CSTPP1: variants seen among roughly 807,000 people sequenced by gnomAD.
CSTPP1 encodes the protein UPF0705 protein C11orf49.
chr11:47,150,489 C>T, the CSTPP1 span, among the ~76,000 whole-genome samples: 1 of 152,154 alleles, frequency 6.6e-6, no homozygotes, highest in East Asian at 1.9e-4. Context: ...GTTCCCAGGA[C>T]AAAGACAACA....
the CSTPP1 span, among the ~76,000 whole-genome samples, chr11:47,124,114 CTT>C: frequency 6.3e-5 from 4 of 63,216 alleles, no homozygotes; most frequent in Admixed American, 9.1e-4. Context: ...AATGGTCTTA[CTT>C]TTTTTTTTTT....
the CSTPP1 span, among the ~76,000 whole-genome samples, chr11:47,006,267 C>T: frequency 6.6e-6 from 1 of 152,052 alleles, no homozygotes; most frequent in Non-Finnish European, 1.5e-5. Context: ...GAGATAAATT[C>T]TAGGTTGGCA....
chr11:47,044,916 G>A, the CSTPP1 span, among the ~76,000 whole-genome samples: 1 of 152,136 alleles, frequency 6.6e-6, no homozygotes, highest in African/African-American at 2.4e-5. Context: ...CTCAAAAAAT[G>A]TATATGTGGG....
At chr11:47,001,526 C>A in the CSTPP1 span, among the ~76,000 whole-genome samples, 2 of 148,386 alleles carry the variant, frequency 1.3e-5, no homozygotes, top group Non-Finnish European at 1.5e-5. Context: ...TTTCTTTTTT[C>A]TTTTCTTTTA....
the CSTPP1 span, among the ~76,000 whole-genome samples, chr11:47,077,384 A>G: frequency 7.3e-3 from 1,111 of 152,096 alleles, 13 homozygotes; most frequent in African/African-American, 0.025. Flanking sequence ...TATTTTTAGT[A>G]GAGACGGGTT....
the CSTPP1 span, among the ~76,000 whole-genome samples, chr11:46,958,864 C>T: frequency 1.3e-5 from 2 of 152,162 alleles, no homozygotes; most frequent in African/African-American, 2.4e-5. Context: ...GAGAATTTGC[C>T]TTTCCCCTCT....
the CSTPP1 span, among the ~76,000 whole-genome samples, chr11:47,135,731 A>G: frequency 6.6e-6 from 1 of 152,208 alleles, no homozygotes; most frequent in African/African-American, 2.4e-5. Flanking sequence ...TACTGTCCTC[A>G]CTTAACATTT....
the CSTPP1 span, among the ~76,000 whole-genome samples, chr11:47,014,382 AAAG>A: frequency 9.9e-6 from 1 of 101,250 alleles, no homozygotes; most frequent in Non-Finnish European, 2.8e-5. Flanking sequence ...AAAGAAAGAA[AAAG>A]AAAAAAAAAA....
At chr11:47,064,276 C>CT in the CSTPP1 span, among the ~76,000 whole-genome samples, 983 of 151,234 alleles carry the variant, frequency 6.5e-3, 9 homozygotes, top group Non-Finnish European at 6.8e-3. Flanking sequence ...CATCTTTTCA[C>CT]TTTTTTTTTA....
chr11:47,124,611 C>T, the CSTPP1 span, among the ~76,000 whole-genome samples: 2 of 151,972 alleles, frequency 1.3e-5, no homozygotes, highest in Admixed American at 6.6e-5. Flanking sequence ...TCTAATCAGC[C>T]GTGATCATTT....
At chr11:47,064,942 T>G in the CSTPP1 span, among the ~76,000 whole-genome samples, 1 of 151,984 alleles carries the variant, frequency 6.6e-6, no homozygotes, top group Non-Finnish European at 1.5e-5. Flanking sequence ...CGGGGTTTCA[T>G]CATTTTGGTC....
At chr11:47,138,829 A>C in the CSTPP1 span, among the ~76,000 whole-genome samples, 1 of 152,044 alleles carries the variant, frequency 6.6e-6, no homozygotes, top group Non-Finnish European at 1.5e-5. Context: ...AATACAAAAA[A>C]TTAACCAGGC....
chr11:47,025,288 C>T, the CSTPP1 span, among the ~76,000 whole-genome samples: 4 of 152,084 alleles, frequency 2.6e-5, no homozygotes, highest in South Asian at 4.1e-4. Context: ...GAACAGAAGG[C>T]GACTCTGGAA....
chr11:47,114,017 T>C, the CSTPP1 span, among the ~76,000 whole-genome samples: 1 of 152,248 alleles, frequency 6.6e-6, no homozygotes. Context: ...CTTGAATTAA[T>C]TTTTGTATAA....
the CSTPP1 span, among the ~76,000 whole-genome samples, chr11:47,153,772 G>A: frequency 3.3e-5 from 5 of 152,150 alleles, no homozygotes; most frequent in Non-Finnish European, 5.9e-5. Flanking sequence ...TCTTCAGGAA[G>A]ATCGCAGCAA....
At chr11:47,093,895 G>C in the CSTPP1 span, among the ~76,000 whole-genome samples, 3 of 152,118 alleles carry the variant, frequency 2.0e-5, no homozygotes, top group African/African-American at 7.2e-5. Context: ...ACTAGAAAAG[G>C]GATTTGAAAC....
chr11:46,982,595 A>G, the CSTPP1 span, among the ~76,000 whole-genome samples: 1 of 152,204 alleles, frequency 6.6e-6, no homozygotes, highest in Admixed American at 6.5e-5. Flanking sequence ...GGAAGAGAAT[A>G]AAATAAATAG....
At chr11:47,085,616 G>C in the CSTPP1 span, among the ~76,000 whole-genome samples, 1 of 152,238 alleles carries the variant, frequency 6.6e-6, no homozygotes, top group South Asian at 2.1e-4. Flanking sequence ...TAGGCTGGGC[G>C]CAGTGGCTCA....
the CSTPP1 span, among the ~76,000 whole-genome samples, chr11:46,973,135 A>G: frequency 6.6e-6 from 1 of 152,204 alleles, no homozygotes; most frequent in Non-Finnish European, 1.5e-5. Flanking sequence ...TGTTGAAGTT[A>G]TGAAAGTCAT....
Sources: gnomAD v4.1 joint callset for allele counts (sites outside exome capture counted in the v4.1 genomes callset) on GRCh38, gnomAD v4.1.1 for gene constraint, MANE v1.5 for transcripts, NCBI Gene and HGNC (gene_info 2026-07-23, HGNC 2026-07-21) for gene names.